The following DYNC2I1 variants were observed in gnomAD, a reference collection of about 807,000 sequenced individuals.
DYNC2I1 encodes dynein 2 intermediate chain 1.
DYNC2I1 carries 89 observed loss-of-function variants against 133.4 expected under a neutral mutation model. The ratio of observed to expected loss-of-function variants is 0.67; its 90% CI spans 0.56 to 0.80. The LOEUF (loss-of-function observed/expected upper bound fraction) is 0.80. DYNC2I1 is among the 30% of genes least tolerant of loss of function. The pLI is 0.00. For synonymous variants in DYNC2I1, 504 were observed against 484.3 expected, an observed-to-expected ratio of 1.04 and a Z score of -0.54; for missense variants, 1,291 against 1,314.5, an observed-to-expected ratio of 0.98 and a Z score of 0.28.
intron 23 of DYNC2I1, among the ~76,000 whole-genome samples, chr7:158,938,481 G>A (rs1850995281): frequency 2.0e-5 from 3 of 152,190 alleles, no homozygotes. Flanking sequence ...AGGGAGGCTG[G>A]GCATGGTGGC....
upstream of DYNC2I1, among the ~76,000 whole-genome samples, chr7:158,853,756 G>A (rs566302189): frequency 4.0e-5 from 6 of 151,438 alleles, no homozygotes; most frequent in African/African-American, 1.5e-4. Flanking sequence ...CTGGGTTCAA[G>A]AGAGTCTCCT....
chr7:158,925,702 G>C (rs1849541826), intron 17 of DYNC2I1, among the ~76,000 whole-genome samples: 1 of 152,120 alleles, frequency 6.6e-6, no homozygotes, highest in African/African-American at 2.4e-5. Context: ...TTTTGCAAAT[G>C]CCTGGATTTT....
At chr7:158,888,186 G>A (rs572052618) in intron 7 of DYNC2I1, among the ~76,000 whole-genome samples, 12 of 151,188 alleles carry the variant, frequency 7.9e-5, no homozygotes, top group South Asian at 6.3e-4. Context: ...CACCATGCCC[G>A]GCTAATTTTT....
At chr7:158,885,277 A>G (rs962172527) in intron 6 of DYNC2I1, among the ~76,000 whole-genome samples, 1 of 151,930 alleles carries the variant, frequency 6.6e-6, no homozygotes, top group African/African-American at 2.4e-5. Context: ...GCTTTTCGCT[A>G]AAGCAGTGAT....
At chr7:158,915,084 T>G (rs977715316) in intron 14 of DYNC2I1, among the ~76,000 whole-genome samples, 2 of 128,716 alleles carry the variant, frequency 1.6e-5, no homozygotes, top group African/African-American at 5.2e-5. Flanking sequence ...TTGTGAAACC[T>G]CGACATGCTG....
chr7:158,927,408 TAAA>T (rs71189436), intron 20 of DYNC2I1, among the ~76,000 whole-genome samples: 1 of 142,956 alleles, frequency 7.0e-6, no homozygotes, highest in South Asian at 2.3e-4. Flanking sequence ...GTCTCTCTGT[TAAA>T]AAAAAAAAAA....
intron 5 of DYNC2I1, among the ~76,000 whole-genome samples, chr7:158,882,734 A>G (rs2657356): frequency 0.25 from 38,691 of 151,780 alleles, 5,348 homozygotes; most frequent in African/African-American, 0.35. Context: ...AAATTAGCCA[A>G]GTATGGTGGC....
At chr7:158,868,343 C>T (rs544784687) in intron 1 of DYNC2I1, among the ~76,000 whole-genome samples, 3 of 152,268 alleles carry the variant, frequency 2.0e-5, no homozygotes, top group South Asian at 2.1e-4. Flanking sequence ...TGAGGCGCTG[C>T]GACATGCTAA....
chr7:158,932,152 A>T (rs1008281111), intron 21 of DYNC2I1, among the ~76,000 whole-genome samples: 6 of 152,176 alleles, frequency 3.9e-5, no homozygotes, highest in African/African-American at 1.4e-4. Flanking sequence ...GCCTGCAGGG[A>T]AGCAGGTCCT....
At chr7:158,877,584 G>T (rs996222259) in intron 4 of DYNC2I1, among the ~76,000 whole-genome samples, 1 of 152,162 alleles carries the variant, frequency 6.6e-6, no homozygotes, top group Non-Finnish European at 1.5e-5. Context: ...CATCATCTTC[G>T]TTTAAAAGTT....
At chr7:158,886,844 T>G (rs1010437255) in intron 6 of DYNC2I1, among the ~76,000 whole-genome samples, 177 bp from the exon 7 acceptor site, 1 of 152,174 alleles carries the variant, frequency 6.6e-6, no homozygotes, top group Non-Finnish European at 1.5e-5. Flanking sequence ...CAAGTGGTCC[T>G]CCTGCCTCAA....
At chr7:158,953,606 G>A (rs1852117365) in intron 4 of DYNC2I1, among the ~76,000 whole-genome samples, 1 of 152,140 alleles carries the variant, frequency 6.6e-6, no homozygotes, top group African/African-American at 2.4e-5. Context: ...ATAGCTGGGG[G>A]CGAATGGTGG....
the DYNC2I1 span, among the ~76,000 whole-genome samples, chr7:158,849,652 T>C: frequency 1.3e-5 from 2 of 152,228 alleles, no homozygotes; most frequent in Non-Finnish European, 2.9e-5. Context: ...AGCTCCGCTC[T>C]GCAGCTGGTC....
In DYNC2I1 at chr7:158,922,380, G is replaced by A. The variant is rs1382551742; in HGVS notation, c.1925G>A (p.Arg642Gln). The A allele has an allele frequency of 8.7e-6, 14 of 1,612,662 alleles. No homozygotes were observed. The highest frequency in any genetic ancestry group is 1.7e-5 in the Admixed American group (1 of 59,732). Residue 642 changes from arginine to glutamine, a missense_variant, in exon 16 of 25, where the codon CGA becomes CAA. Coordinates refer to ENST00000407559, the MANE Select transcript of DYNC2I1 (RefSeq NM_018051.5). ...LNTSLPFLQNRKVSSLHTSRV... is the reference protein window; with the variant it reads ...LNTSLPFLQNQKVSSLHTSRV... Reference sequence around the variant, plus strand: ...AACATATTTTTCTTCTCCCTAGATCGAAAAGTATCCTCCTTGCACACCTCC... The same window carrying A: ...AACATATTTTTCTTCTCCCTAGATCAAAAAGTATCCTCCTTGCACACCTCC...
At chr7:158,843,587 G>A in the DYNC2I1 span, among the ~76,000 whole-genome samples, 1,574 of 152,126 alleles carry the variant, frequency 0.01, 20 homozygotes, top group Middle Eastern at 0.027. Context: ...GTAGAGATGA[G>A]GTTTTGCTAT....
At chr7:158,893,373 A>G (rs1413650098) in intron 8 of DYNC2I1, among the ~76,000 whole-genome samples, 5 of 152,312 alleles carry the variant, frequency 3.3e-5, no homozygotes, top group Middle Eastern at 3.4e-3. Flanking sequence ...TAGTGAGTTG[A>G]AAGTATCGTG....
chr7:158,873,057 G>A (rs1188974), intron 3 of DYNC2I1, among the ~76,000 whole-genome samples: 21,898 of 151,524 alleles, frequency 0.14, 1,800 homozygotes, highest in Middle Eastern at 0.24. Context: ...TATTATCTCC[G>A]TAAATCTGAA....
At chr7:158,855,451 T>C (rs1212383135), upstream of DYNC2I1, among the ~76,000 whole-genome samples, 2 of 152,206 alleles carry the variant, frequency 1.3e-5, no homozygotes, top group Non-Finnish European at 2.9e-5. Context: ...GGTCAGAATA[T>C]TGTAGCCTCC....
At chr7:158,893,647 G>T (rs576933484) in intron 8 of DYNC2I1, among the ~76,000 whole-genome samples, 127 of 152,012 alleles carry the variant, frequency 8.4e-4, no homozygotes, top group African/African-American at 2.8e-3. Context: ...ACCACATATC[G>T]TACTGCATGT....
Sources: gnomAD v4.1 joint callset for allele counts (sites outside exome capture counted in the v4.1 genomes callset) on GRCh38, gnomAD v4.1.1 for gene constraint, MANE v1.5 for transcripts, NCBI Gene and HGNC (gene_info 2026-07-23, HGNC 2026-07-21) for gene names.